RAPGEF5: variants seen among roughly 807,000 people sequenced by gnomAD.
RAPGEF5 encodes Rap guanine nucleotide exchange factor 5, also known as M-Ras-regulated GEF.
In RAPGEF5, 65 loss-of-function variants were observed where a neutral mutation model predicts 125.2. That is an observed-to-expected ratio of 0.52 (90% CI 0.43 to 0.64). The LOEUF is 0.64. RAPGEF5 is among the 30% of genes least tolerant of loss of function. The probability of loss-of-function intolerance (pLI) is 0.00; values close to 1 mark genes in which losing one functional copy is unlikely to be tolerated. For missense variants in RAPGEF5, 958 were observed against 1,048.1 expected, an observed-to-expected ratio of 0.91 and a Z score of 1.19; for synonymous variants, 391 against 385.9, an observed-to-expected ratio of 1.01 and a Z score of -0.16.
intron 24 of RAPGEF5, among the ~76,000 whole-genome samples, chr7:22,128,314 C>G (rs1191836746): frequency 1.3e-5 from 2 of 152,128 alleles, no homozygotes; most frequent in South Asian, 2.1e-4. Context: ...AGGAATGTAG[C>G]ATAAAGAACA....
At chr7:22,303,722 T>C (rs1783266446) in intron 5 of RAPGEF5, among the ~76,000 whole-genome samples, 1 of 152,144 alleles carries the variant, frequency 6.6e-6, no homozygotes, top group Non-Finnish European at 1.5e-5. Flanking sequence ...ATAAAATGGA[T>C]AGAAACAAAG....
intron 8 of RAPGEF5, among the ~76,000 whole-genome samples, chr7:22,223,968 T>C (rs1484418466): frequency 1.3e-5 from 2 of 152,284 alleles, no homozygotes; most frequent in East Asian, 3.9e-4. Flanking sequence ...GGGTCTCTGT[T>C]GCAACTGCCC....
intron 1 of RAPGEF5, among the ~76,000 whole-genome samples, chr7:22,350,815 G>A (rs796135014): frequency 3.3e-5 from 5 of 152,278 alleles, no homozygotes; most frequent in African/African-American, 1.2e-4. Flanking sequence ...TATTTTTGAA[G>A]TTGGCATCCA....
intron 7 of RAPGEF5, among the ~76,000 whole-genome samples, chr7:22,256,693 C>T (rs1409936893): frequency 6.6e-6 from 1 of 152,148 alleles, no homozygotes; most frequent in Non-Finnish European, 1.5e-5. Flanking sequence ...CCCACCATGG[C>T]ACAAATTTCA....
At chr7:22,212,619 G>A (rs1215875835) in intron 9 of RAPGEF5, among the ~76,000 whole-genome samples, 2 of 152,114 alleles carry the variant, frequency 1.3e-5, no homozygotes, top group Non-Finnish European at 2.9e-5. Context: ...CAGTTATCAT[G>A]AACAACTCTC....
At chr7:22,190,429 T>G (rs1425794224) in intron 11 of RAPGEF5, among the ~76,000 whole-genome samples, 1 of 152,250 alleles carries the variant, frequency 6.6e-6, no homozygotes, top group African/African-American at 2.4e-5. Flanking sequence ...TCAACTCATT[T>G]AAGAAAATCA....
intron 9 of RAPGEF5, among the ~76,000 whole-genome samples, chr7:22,212,399 G>A (rs1014555198): frequency 6.6e-6 from 1 of 152,052 alleles, no homozygotes; most frequent in South Asian, 2.1e-4. Context: ...GACTAGCCAA[G>A]GTCCCTGTTA....
At chr7:22,193,706 C>A in intron 10 of RAPGEF5, 1 of 1,552,150 alleles carries the variant, frequency 6.4e-7, no homozygotes, top group Non-Finnish European at 8.7e-7. Flanking sequence ...GCTAAAAGAT[C>A]TTGCCATCCC....
intron 11 of RAPGEF5, among the ~76,000 whole-genome samples, chr7:22,183,286 AAAAAAAAAAG>A (rs1228081440): frequency 2.7e-5 from 4 of 148,052 alleles, no homozygotes; most frequent in African/African-American, 1.0e-4. Context: ...AAAAAAAAAA[AAAAAAAAAAG>A]ATTTTTATAT....
chr7:22,342,294 T>G (rs1784144866), intron 1 of RAPGEF5, among the ~76,000 whole-genome samples: 2 of 152,212 alleles, frequency 1.3e-5, no homozygotes, highest in Admixed American at 6.5e-5. Flanking sequence ...ACACAGCACA[T>G]GGACCCTGGG....
intron 1 of RAPGEF5, among the ~76,000 whole-genome samples, chr7:22,351,704 A>G (rs961502246): frequency 6.6e-6 from 1 of 152,232 alleles, no homozygotes; most frequent in Non-Finnish European, 1.5e-5. Flanking sequence ...CAATTTAAAC[A>G]CAAAGAATAA....
intron 1 of RAPGEF5, among the ~76,000 whole-genome samples, chr7:22,342,224 G>A (rs2128387123): frequency 6.6e-6 from 1 of 152,248 alleles, no homozygotes; most frequent in East Asian, 1.9e-4. Flanking sequence ...GCTCTATGTT[G>A]GCCCCTTTCA....
chr7:22,341,668 C>A (rs1339977046), intron 1 of RAPGEF5, among the ~76,000 whole-genome samples: 1 of 152,198 alleles, frequency 6.6e-6, no homozygotes, highest in Non-Finnish European at 1.5e-5. Context: ...AACAAAGGGG[C>A]TACAGGCCCT....
Position 22,357,100 on chromosome 7 carries a change from G to T in RAPGEF5, c.-40C>A, listed in dbSNP as rs1784437556. The T allele has an allele frequency of 1.0e-6, 1 of 989,568 alleles. No individual in the cohort carries two copies. Among genetic ancestry groups the T allele is most frequent in the Non-Finnish European group, 1.2e-6 (1 of 825,350 alleles). The allele number at this position is 989,568 out of a possible 1,614,324, so 61.3% of individuals were successfully genotyped here. A position where few individuals can be genotyped will look rare whatever the true frequency, so the allele number is the denominator to read the frequency against. Reference sequence around the variant, plus strand: ...GCGGCGCCGGGGGCTCCTCTCCACCGCGCTCGCCTCCGCGCGCCGTCCGCG... The same window carrying T: ...GCGGCGCCGGGGGCTCCTCTCCACCTCGCTCGCCTCCGCGCGCCGTCCGCG... On this transcript the variant is annotated 5_prime_UTR_variant, in exon 1 of 26. Coordinates refer to ENST00000665637, the MANE Select transcript of RAPGEF5 (RefSeq NM_012294.5).
chr7:22,136,170 C>T (rs749358179), intron 22 of RAPGEF5, 45 bp from the exon 23 acceptor site: 1 of 1,395,084 alleles, frequency 7.2e-7, no homozygotes, highest in Non-Finnish European at 1.0e-6. Context: ...AATCAATGTG[C>T]TATAGAAACA....
chr7:22,337,204 G>T (rs926096117), intron 1 of RAPGEF5, among the ~76,000 whole-genome samples: 2 of 152,196 alleles, frequency 1.3e-5, no homozygotes, highest in Admixed American at 1.3e-4. Flanking sequence ...GCTACGGTAT[G>T]GGTGCTGCTG....
intron 1 of RAPGEF5, among the ~76,000 whole-genome samples, chr7:22,352,532 G>T (rs1413799076): frequency 1.3e-5 from 2 of 152,130 alleles, no homozygotes; most frequent in African/African-American, 4.8e-5. Flanking sequence ...AGTAAGAAAG[G>T]TATTTGAGTT....
Position 22,333,155 on chromosome 7 carries a change from G to GA in RAPGEF5, c.232-15119dup, listed in dbSNP as rs1562533305. ...TATAATTCTCATGTTAAACTGTCAC[G>GA]AAAAAAACTTTTTAAAAGTTCCTTT... On this transcript the variant is annotated intron_variant, in intron 1 of 25. Transcript: ENST00000665637. Among the ~76,000 whole-genome samples, 5 of 152,072 alleles carry GA rather than the reference G, an allele frequency of 3.3e-5. No homozygotes were observed. The South Asian group carries it at 8.3e-4, about 25-fold the overall frequency.
At chr7:22,200,145 G>A (rs1179087130) in intron 9 of RAPGEF5, among the ~76,000 whole-genome samples, 1 of 152,004 alleles carries the variant, frequency 6.6e-6, no homozygotes, top group Non-Finnish European at 1.5e-5. Context: ...AGCCATCAAT[G>A]CCCACATCTG....
Sources: allele counts gnomAD v4.1 joint callset (sites outside exome capture counted in the v4.1 genomes callset), GRCh38; gene constraint gnomAD v4.1.1; transcripts MANE v1.5; gene names NCBI Gene and HGNC (gene_info 2026-07-23, HGNC 2026-07-21).